Variants in LAMB1 observed in about 807,000 individuals in gnomAD.
LAMB1 encodes laminin subunit beta 1, also known as laminin subunit beta-1.
LAMB1 carries 121 observed loss-of-function variants against 222.3 expected under a neutral mutation model. The ratio of observed to expected loss-of-function variants is 0.54; its 90% CI spans 0.47 to 0.63. The LOEUF is 0.63. LAMB1 is among the 30% of genes least tolerant of loss of function. The pLI, the probability that LAMB1 is intolerant of heterozygous loss-of-function variation, is 0.00. For synonymous variants in LAMB1, 794 were observed against 807.2 expected, an observed-to-expected ratio of 0.98 and a Z score of 0.28; for missense variants, 2,172 against 2,240.8, an observed-to-expected ratio of 0.97 and a Z score of 0.62.
intron 24 of LAMB1, among the ~76,000 whole-genome samples, chr7:107,946,640 T>C (rs892700033): frequency 3.9e-5 from 6 of 152,392 alleles, no homozygotes; most frequent in African/African-American, 1.4e-4. Flanking sequence ...GAACACATTC[T>C]GTAATTAGGA....
chr7:107,924,451 A>T (rs2032512104), intron 32 of LAMB1, 62 bp from the exon 33 acceptor site: 1 of 1,309,736 alleles, frequency 7.6e-7, no homozygotes, highest in African/African-American at 1.5e-5. Flanking sequence ...TACATTTAAG[A>T]GCAATAGTGT....
At chr7:107,973,255 G>T (rs375186621) in intron 12 of LAMB1, among the ~76,000 whole-genome samples, 184 bp from the exon 13 acceptor site, 1 of 152,234 alleles carries the variant, frequency 6.6e-6, no homozygotes, top group East Asian at 1.9e-4. Flanking sequence ...AGGCACTGGC[G>T]TAAGAGAGCC....
chr7:107,974,111 TAAG>T (rs2033805292), intron 12 of LAMB1, among the ~76,000 whole-genome samples: 1 of 152,074 alleles, frequency 6.6e-6, no homozygotes, highest in Non-Finnish European at 1.5e-5. Context: ...AAATCTCCTT[TAAG>T]AATATATTAA....
At chr7:107,934,673 C>A (rs974172281) in intron 27 of LAMB1, among the ~76,000 whole-genome samples, 1 of 152,108 alleles carries the variant, frequency 6.6e-6, no homozygotes, top group Non-Finnish European at 1.5e-5. Flanking sequence ...TGAAAAAATT[C>A]TTTTGCTCCC....
chr7:107,931,422 C>T lies in LAMB1; in HGVS notation c.4471G>A (p.Glu1491Lys). ...TCCTCATTGCTCTTGTCCATTTTTT[C>T]TTTGGTAGCATTTGTCTTCAACAGA... ...DILLKTNATK[E>K]KMDKSNEELR... Residue 1491 changes from glutamate to lysine, a missense_variant, in exon 29 of 34, where the codon GAA becomes AAA. Transcript: ENST00000222399. 1 of 1,613,794 alleles carries T rather than the reference C, an allele frequency of 6.2e-7. No individual in the cohort carries two copies. The highest frequency in any genetic ancestry group is 8.5e-7 in the Non-Finnish European group (1 of 1,179,842).
At chr7:107,933,229 A>C (rs1052710143) in intron 27 of LAMB1, among the ~76,000 whole-genome samples, 3 of 152,232 alleles carry the variant, frequency 2.0e-5, no homozygotes, top group Non-Finnish European at 4.4e-5. Flanking sequence ...AGAAAATTGC[A>C]TTTAGAGCTG....
chr7:107,979,489 C>G (rs1288150168), intron 8 of LAMB1, among the ~76,000 whole-genome samples: 2 of 152,120 alleles, frequency 1.3e-5, no homozygotes, highest in Non-Finnish European at 2.9e-5. Flanking sequence ...ACTTAGGGCT[C>G]TCTAGTAAAT....
intron 20 of LAMB1, among the ~76,000 whole-genome samples, chr7:107,958,136 GTACT>G (rs1053688479): frequency 6.6e-6 from 1 of 151,646 alleles, no homozygotes; most frequent in African/African-American, 2.4e-5. Flanking sequence ...TCTTTCTCTC[GTACT>G]TATTCTCCAT....
intron 2 of LAMB1, chr7:108,002,163 G>T: frequency 7.0e-7 from 1 of 1,431,582 alleles, no homozygotes; most frequent in South Asian, 1.2e-5. Context: ...GGCAGCCCGC[G>T]CATCCTCGGT....
At chr7:107,975,943 G>T in intron 9 of LAMB1, 66 bp from the exon 10 acceptor site, 3 of 1,397,322 alleles carry the variant, frequency 2.1e-6, no homozygotes, top group Non-Finnish European at 2.9e-6. Context: ...GATGGGGGTG[G>T]CAGGAAGATC....
chr7:107,963,912 A>G (rs1159523743), intron 14 of LAMB1, among the ~76,000 whole-genome samples: 2 of 152,222 alleles, frequency 1.3e-5, no homozygotes, highest in African/African-American at 4.8e-5. Context: ...CAGCCTGACC[A>G]ACATGATGAA....
chr7:107,984,123 G>A (rs530396804), intron 7 of LAMB1, among the ~76,000 whole-genome samples: 8 of 152,206 alleles, frequency 5.3e-5, no homozygotes, highest in South Asian at 2.1e-4. Context: ...AAGAGCCCTC[G>A]CCAAGAGTGT....
At chr7:107,932,448 G>A (rs2032736919) in intron 27 of LAMB1, 71 bp from the exon 28 acceptor site, 2 of 1,480,482 alleles carry the variant, frequency 1.4e-6, no homozygotes, top group African/African-American at 2.8e-5. Flanking sequence ...GCTGTGCAGG[G>A]CCTGGGTGGC....
chr7:107,924,398 C>A lies in LAMB1; in HGVS notation c.5065-9G>T, dbSNP rs1055273474. On this transcript the variant is annotated splice_polypyrimidine_tract_variant and intron_variant, in intron 32 of 33. Transcript: ENST00000222399. ...AGTTCACCATCTAAAGTCTATAGTT[C>A]CACATTTAGACAGAAAGAAGTGGTA... 1 of 1,589,862 alleles carries A rather than the reference C, an allele frequency of 6.3e-7. No homozygotes were observed. The highest frequency in any genetic ancestry group is 1.1e-5 in the South Asian group (1 of 88,220).
At position 107,940,338 on chromosome 7, in the gene LAMB1, C is replaced by T; in HGVS notation, c.3412G>A (p.Gly1138Ser). 8 of 1,613,566 alleles carry T rather than the reference C, an allele frequency of 5.0e-6. No homozygotes were observed. Among genetic ancestry groups the T allele is most frequent in the Non-Finnish European group, 5.9e-6 (7 of 1,179,556 alleles). Residue 1138 changes from glycine (G) to serine (S), a missense_variant, in exon 25 of 34, where the codon GGC becomes AGC. Gly to Ser is a moderately conservative substitution (Grantham distance 56, BLOSUM62 0). Coordinates refer to ENST00000222399, the MANE Select transcript of LAMB1 (RefSeq NM_002291.3). ...TGGTCACACTGTGGCGTCTCAATGC[C>T]CCTGGGGTCACAGTCACAGGCTAGA... ...ECRACDCDPR[G>S]IETPQCDQST...
intron 13 of LAMB1, among the ~76,000 whole-genome samples, chr7:107,966,324 C>T (rs2033635788): frequency 6.6e-6 from 1 of 152,004 alleles, no homozygotes; most frequent in Non-Finnish European, 1.5e-5. Flanking sequence ...GATTCTCCCA[C>T]CTCAGCCTCC....
chr7:107,990,618 G>A (rs2034164435), intron 5 of LAMB1, among the ~76,000 whole-genome samples: 2 of 152,056 alleles, frequency 1.3e-5, no homozygotes, highest in African/African-American at 4.8e-5. Flanking sequence ...CATAAGCAGA[G>A]CAGCCCTAAG....
intron 7 of LAMB1, among the ~76,000 whole-genome samples, chr7:107,982,822 A>G: frequency 6.6e-6 from 1 of 152,226 alleles, no homozygotes; most frequent in East Asian, 1.9e-4. Flanking sequence ...TGCTCCCTTG[A>G]TTACAAAGTA....
chr7:107,938,573 G>A (rs1584489661), intron 25 of LAMB1, among the ~76,000 whole-genome samples: 1 of 152,130 alleles, frequency 6.6e-6, no homozygotes, highest in African/African-American at 2.4e-5. Flanking sequence ...AATAGTGACG[G>A]TAGAAACAGA....
Sources: gnomAD v4.1 joint callset for allele counts (sites outside exome capture counted in the v4.1 genomes callset) on GRCh38, gnomAD v4.1.1 for gene constraint, MANE v1.5 for transcripts, NCBI Gene and HGNC (gene_info 2026-07-23, HGNC 2026-07-21) for gene names.